The following SOX5 variants were observed in gnomAD, a reference collection of about 807,000 sequenced individuals.
The protein encoded by SOX5 is SRY-box transcription factor 5, also known as transcription factor SOX-5.
In SOX5, 9 loss-of-function variants were observed where a neutral mutation model predicts 92.0. The observed-to-expected ratio is 0.10, with a 90% CI of 0.06 to 0.17. The LOEUF (loss-of-function observed/expected upper bound fraction) is 0.17, where lower values mean the gene tolerates loss of function less well. Ranked by LOEUF, SOX5 falls within the 10% of genes least tolerant of loss-of-function variation. The pLI is 1.00. For synonymous variants in SOX5, 344 were observed against 336.3 expected (o/e 1.02, Z -0.25); for missense variants, 642 against 944.5 (o/e 0.68, Z 4.20).
At chr12:24,216,478 C>G (rs1241538676) in intron 3 of SOX5, among the ~76,000 whole-genome samples, 2 of 151,718 alleles carry the variant, frequency 1.3e-5, no homozygotes, top group Non-Finnish European at 2.9e-5. Flanking sequence ...AGCGCGACTC[C>G]GCCTCGGAAA....
intron 1 of SOX5, among the ~76,000 whole-genome samples, chr12:24,422,171 C>T (rs938581735): frequency 6.6e-6 from 1 of 152,170 alleles, no homozygotes; most frequent in Non-Finnish European, 1.5e-5. Context: ...ATTCATTACA[C>T]TCATTGCTGT....
intron 4 of SOX5, among the ~76,000 whole-genome samples, chr12:24,185,274 C>A (rs1034156150): frequency 6.6e-6 from 1 of 152,080 alleles, no homozygotes; most frequent in Non-Finnish European, 1.5e-5. Flanking sequence ...CTTCCCATTG[C>A]TCCTAGAATA....
intron 2 of SOX5, among the ~76,000 whole-genome samples, chr12:23,870,570 C>T (rs1171058029): frequency 6.6e-6 from 1 of 152,052 alleles, no homozygotes; most frequent in Non-Finnish European, 1.5e-5. Flanking sequence ...ACCAGATAAG[C>T]AATATAGATC....
intron 2 of SOX5, among the ~76,000 whole-genome samples, chr12:24,309,382 T>C (rs1242749478): frequency 6.6e-6 from 1 of 152,160 alleles, no homozygotes; most frequent in Non-Finnish European, 1.5e-5. Context: ...TAAACACTTT[T>C]CACGAAAAAT....
intron 8 of SOX5, among the ~76,000 whole-genome samples, chr12:23,634,966 A>C (rs192637872): frequency 1.8e-4 from 28 of 152,304 alleles, no homozygotes; most frequent in Admixed American, 1.2e-3. Flanking sequence ...GAGTCCATAA[A>C]ATATTTCAAG....
intron 8 of SOX5, among the ~76,000 whole-genome samples, chr12:23,634,818 T>C (rs950224338): frequency 1.1e-4 from 16 of 152,206 alleles, no homozygotes; most frequent in Admixed American, 1.0e-3. Flanking sequence ...TTAATTAATA[T>C]AGAAAACTAA....
At chr12:23,973,940 C>T (rs1948633734) in intron 4 of SOX5, among the ~76,000 whole-genome samples, 1 of 152,180 alleles carries the variant, frequency 6.6e-6, no homozygotes, top group Non-Finnish European at 1.5e-5. Context: ...CATCCCCACT[C>T]CCTGCCTGTG....
At chr12:24,029,636 T>A (rs1404129138) in intron 4 of SOX5, among the ~76,000 whole-genome samples, 1 of 151,972 alleles carries the variant, frequency 6.6e-6, no homozygotes, top group Non-Finnish European at 1.5e-5. Context: ...TGAATACTTG[T>A]TTAACTGCGT....
At chr12:24,128,298 C>T (rs968618191) in intron 4 of SOX5, among the ~76,000 whole-genome samples, 1 of 152,138 alleles carries the variant, frequency 6.6e-6, no homozygotes, top group African/African-American at 2.4e-5. Flanking sequence ...AAATTCTGTG[C>T]CAGTCCCTGT....
chr12:24,231,017 A>T (rs1963278860), intron 3 of SOX5, among the ~76,000 whole-genome samples: 1 of 152,212 alleles, frequency 6.6e-6, no homozygotes, highest in African/African-American at 2.4e-5. Context: ...AAGAATTCAA[A>T]TCAGGAAATT....
At chr12:23,939,256 A>C (rs984133756) in intron 1 of SOX5, among the ~76,000 whole-genome samples, 1 of 151,144 alleles carries the variant, frequency 6.6e-6, no homozygotes, top group African/African-American at 2.4e-5. Flanking sequence ...TATTAGCAGT[A>C]AGTTGCCCAA....
At chr12:23,600,481 T>C (rs1353032190) in intron 9 of SOX5, among the ~76,000 whole-genome samples, 1 of 138,004 alleles carries the variant, frequency 7.2e-6, no homozygotes, top group Non-Finnish European at 1.5e-5. Context: ...TAATTCTGTA[T>C]CATCCAGTCT....
chr12:24,155,086 C>T (rs1952029868), intron 4 of SOX5, among the ~76,000 whole-genome samples: 1 of 152,040 alleles, frequency 6.6e-6, no homozygotes, highest in Non-Finnish European at 1.5e-5. Flanking sequence ...CAGGCATCAT[C>T]GTACGCTAAG....
chr12:24,238,573 T>C (rs1223132210), intron 3 of SOX5, among the ~76,000 whole-genome samples: 1 of 152,096 alleles, frequency 6.6e-6, no homozygotes, highest in South Asian at 2.1e-4. Flanking sequence ...CCCAGGTTGG[T>C]CTTAAACTCC....
chr12:24,284,158 A>G (rs1188677134), intron 2 of SOX5, among the ~76,000 whole-genome samples: 1 of 152,362 alleles, frequency 6.6e-6, no homozygotes, highest in Non-Finnish European at 1.5e-5. Flanking sequence ...AGAAAGTCTT[A>G]GAGAACAACA....
intron 4 of SOX5, among the ~76,000 whole-genome samples, chr12:24,028,644 A>G (rs1379738030): frequency 6.6e-6 from 1 of 152,024 alleles, no homozygotes; most frequent in African/African-American, 2.4e-5. Context: ...ATATTAAATC[A>G]TGACAATAAA....
At chr12:23,998,825 A>AGG (rs57892964) in intron 4 of SOX5, among the ~76,000 whole-genome samples, 8 of 130,038 alleles carry the variant, frequency 6.2e-5, no homozygotes, top group Non-Finnish European at 1.0e-4. Context: ...AAAAAAAAAA[A>AGG]GGGGGGGCGA....
intron 3 of SOX5, among the ~76,000 whole-genome samples, chr12:23,834,605 A>G (rs564667543): frequency 1.4e-4 from 22 of 152,078 alleles, no homozygotes; most frequent in African/African-American, 4.8e-4. Context: ...AGCAGTAGAA[A>G]CATTCTTTTC....
chr12:23,590,294 T>G (rs1951346325), intron 9 of SOX5, among the ~76,000 whole-genome samples: 1 of 152,064 alleles, frequency 6.6e-6, no homozygotes, highest in South Asian at 2.1e-4. Flanking sequence ...CAGAATGCCA[T>G]GCTAAGGAAG....
Sources: allele counts gnomAD v4.1 joint callset (sites outside exome capture counted in the v4.1 genomes callset), GRCh38; gene constraint gnomAD v4.1.1; transcripts MANE v1.5; gene names NCBI Gene and HGNC (gene_info 2026-07-23, HGNC 2026-07-21).